MGAT4D: variants seen among roughly 807,000 people sequenced by gnomAD.
MGAT4D encodes alpha-1,3-mannosyl-glycoprotein 4-beta-N-acetylglucosaminyltransferase-like protein MGAT4D.
In MGAT4D, 34 loss-of-function variants were observed where a neutral mutation model predicts 15.9. The observed-to-expected ratio is 2.14, with a 90% CI of 1.62 to 2.84. The LOEUF (loss-of-function observed/expected upper bound fraction) is 2.84, where lower values mean the gene tolerates loss of function less well. Among genes scored for constraint, MGAT4D ranks in the 30% most tolerant of loss-of-function variants. MGAT4D has a pLI of 0.00. For missense variants in MGAT4D, 327 were observed against 140.2 expected (o/e 2.33, Z -6.73); for synonymous variants, 112 against 48.2 (o/e 2.33, Z -5.49).
At chr4:140,447,626 A>AT (rs1730216878) in intron 10 of MGAT4D, among the ~76,000 whole-genome samples, 1 of 151,972 alleles carries the variant, frequency 6.6e-6, no homozygotes, top group South Asian at 2.1e-4. Flanking sequence ...TGAAGACAGC[A>AT]TACCAATCTC....
At chr4:140,471,227 TTTCCTTCCTTCC>T (rs200186471) in intron 5 of MGAT4D, among the ~76,000 whole-genome samples, 3,191 of 133,750 alleles carry the variant, frequency 0.024, 70 homozygotes, top group African/African-American at 0.049. Flanking sequence ...CTCCTTTTTG[TTTCCTTCCTTCC>T]TTCCTTCCTT....
At chr4:140,493,287 C>CTTTTTTTT (rs551838799) in intron 1 of MGAT4D, among the ~76,000 whole-genome samples, 1 of 112,476 alleles carries the variant, frequency 8.9e-6, no homozygotes, top group Non-Finnish European at 1.9e-5. Context: ...TGTTCCTTTA[C>CTTTTTTTT]TTTTTTTTTT....
At position 140,443,262 on chromosome 4, in the gene MGAT4D, T is replaced by G. The variant is rs1291707180; in HGVS notation, c.*174A>C. On this transcript the variant is annotated 3_prime_UTR_variant, in exon 11 of 11. Coordinates refer to ENST00000511113, the MANE Select transcript of MGAT4D (RefSeq NM_001277353.2). ...TAGGGTAAAAGCAATATAAATGTTCTACCTTGTCTTGACATAAGAAGTCAT... is the reference window on the plus strand; with the variant it reads ...TAGGGTAAAAGCAATATAAATGTTCGACCTTGTCTTGACATAAGAAGTCAT... The G allele has an allele frequency of 3.4e-6, 1 of 291,050 alleles. No individual in the cohort carries two copies. Among genetic ancestry groups the G allele is most frequent in the Non-Finnish European group, 6.3e-6 (1 of 158,890 alleles). The allele number at this position is 291,050 out of a possible 1,614,324, so 18.0% of individuals were successfully genotyped here. A position where few individuals can be genotyped will look rare whatever the true frequency, so the allele number is the denominator to read the frequency against.
intron 8 of MGAT4D, chr4:140,457,575 C>T (rs1274996074): frequency 6.6e-6 from 1 of 152,108 alleles, no homozygotes; most frequent in Admixed American, 6.5e-5. Flanking sequence ...AGTTGGCAAG[C>T]TCATATTTTT....
At position 140,455,856 on chromosome 4, in the gene MGAT4D, G is replaced by A. The variant is rs557871735; in HGVS notation, c.1008+733C>T. ...TCTGATATTAATATAGCTACTACAA[G>A]CTGGGCATTGTGGCTTATGCCTGTA... is the stretch of plus-strand genomic sequence containing the variant. On this transcript the variant is annotated intron_variant, in intron 9 of 10. Coordinates refer to ENST00000511113, the MANE Select transcript of MGAT4D (RefSeq NM_001277353.2). 3.3e-5 allele frequency among the ~76,000 whole-genome samples: 5 copies of A among 152,152 alleles called. No individual in the cohort carries two copies. In the East Asian group the frequency reaches 9.7e-4, roughly 29 times the overall value.
chr4:140,475,263 A>C (rs1732235868), intron 3 of MGAT4D, among the ~76,000 whole-genome samples: 1 of 152,174 alleles, frequency 6.6e-6, no homozygotes, highest in Non-Finnish European at 1.5e-5. Flanking sequence ...CTGAGTATAA[A>C]ATGTCACATA....
chr4:140,444,765 T>C (rs1729977996), intron 10 of MGAT4D, among the ~76,000 whole-genome samples: 2 of 152,158 alleles, frequency 1.3e-5, no homozygotes, highest in African/African-American at 2.4e-5. Flanking sequence ...ATAGTTCTGT[T>C]TTTAGTTATT....
At chr4:140,464,116 C>A (rs1731372258) in intron 6 of MGAT4D, among the ~76,000 whole-genome samples, 1 of 152,134 alleles carries the variant, frequency 6.6e-6, no homozygotes, top group South Asian at 2.1e-4. Context: ...ATAATGTGGA[C>A]CACTAATTAA....
chr4:140,454,063 A>T (rs1730641788), intron 9 of MGAT4D, among the ~76,000 whole-genome samples: 1 of 152,020 alleles, frequency 6.6e-6, no homozygotes, highest in Non-Finnish European at 1.5e-5. Flanking sequence ...TTTTCTACAT[A>T]GACAATCATG....
rs77740942 is a variant in MGAT4D, at chr4:140,459,284, T to C, written c.877+228A>G. ...AACTCTTTTATGTTTCTATGACTTA[T>C]GTGTCTAAATGTCAATTTGATCTCT... On this transcript the variant is annotated intron_variant, in intron 8 of 10. Coordinates refer to ENST00000511113, the MANE Select transcript of MGAT4D (RefSeq NM_001277353.2). 3,644 of 230,654 alleles carry C rather than the reference T, an allele frequency of 0.016. 44 individuals are homozygous for C. The highest frequency in any genetic ancestry group is 0.045 in the South Asian group (250 of 5,578). 14.3% of individuals were successfully genotyped at this position (230,654 alleles called of 1,614,324 possible). A position where few individuals can be genotyped will look rare whatever the true frequency, so the allele number is the denominator to read the frequency against.
intron 1 of MGAT4D, among the ~76,000 whole-genome samples, chr4:140,490,975 T>C (rs1204553070): frequency 6.6e-6 from 1 of 152,228 alleles, no homozygotes; most frequent in Non-Finnish European, 1.5e-5. Flanking sequence ...AACTAGATAT[T>C]CCAACATGAA....
At chr4:140,472,648 CAT>C (rs1358893627) in intron 4 of MGAT4D, among the ~76,000 whole-genome samples, 1 of 152,112 alleles carries the variant, frequency 6.6e-6, no homozygotes, top group Admixed American at 6.5e-5. Context: ...CACACTGAAA[CAT>C]ATTGTATTTT....
chr4:140,448,453 C>T (rs1298796187), intron 10 of MGAT4D, among the ~76,000 whole-genome samples: 1 of 152,130 alleles, frequency 6.6e-6, no homozygotes, highest in Non-Finnish European at 1.5e-5. Flanking sequence ...GGCCAGTCTT[C>T]AAGCTCTGAG....
At chr4:140,492,685 T>C (rs1733582832) in intron 1 of MGAT4D, among the ~76,000 whole-genome samples, 1 of 152,132 alleles carries the variant, frequency 6.6e-6, no homozygotes, top group Admixed American at 6.5e-5. Context: ...AGTTTTGCCA[T>C]TTTCTCATTT....
chr4:140,462,815 G>A (rs1335539975), intron 6 of MGAT4D: 10 of 152,168 alleles, frequency 6.6e-5, no homozygotes, highest in Non-Finnish European at 1.2e-4. Context: ...GCAAAAAAAT[G>A]GCGGATAGGA....
At chr4:140,472,940 A>G (rs1732065147) in intron 4 of MGAT4D, among the ~76,000 whole-genome samples, 1 of 151,792 alleles carries the variant, frequency 6.6e-6, no homozygotes, top group Admixed American at 6.6e-5. Flanking sequence ...TTCTGTTTCG[A>G]GTTTTTTCTG....
At chr4:140,469,729 C>T (rs765407810) in intron 5 of MGAT4D, among the ~76,000 whole-genome samples, 1 of 152,172 alleles carries the variant, frequency 6.6e-6, no homozygotes, top group Admixed American at 6.5e-5. Context: ...GCTCCTAAGG[C>T]TTGATTGCAT....
At chr4:140,465,888 A>G (rs1236226314) in intron 5 of MGAT4D, among the ~76,000 whole-genome samples, 1 of 152,206 alleles carries the variant, frequency 6.6e-6, no homozygotes, top group Non-Finnish European at 1.5e-5. Flanking sequence ...TAGTCATGAT[A>G]TATTGTGAAC....
chr4:140,458,081 A>T (rs1307645315), intron 8 of MGAT4D: 1 of 152,224 alleles, frequency 6.6e-6, no homozygotes, highest in East Asian at 1.9e-4. Flanking sequence ...CGCACTGCTT[A>T]TGAGAGCGTA....
Sources: gnomAD v4.1 joint callset for allele counts (sites outside exome capture counted in the v4.1 genomes callset) on GRCh38, gnomAD v4.1.1 for gene constraint, MANE v1.5 for transcripts, NCBI Gene and HGNC (gene_info 2026-07-23, HGNC 2026-07-21) for gene names.